NRG3: variants seen among roughly 807,000 people sequenced by gnomAD.
The protein encoded by NRG3 is neuregulin 3.
In NRG3, 31 loss-of-function variants were observed where a neutral mutation model predicts 66.9. That is an observed-to-expected ratio of 0.46 (90% CI 0.35 to 0.63). The LOEUF is 0.63. NRG3 is among the 20% of genes least tolerant of loss of function. NRG3 has a pLI of 0.00. For missense variants in NRG3, 910 were observed against 878.9 expected, an observed-to-expected ratio of 1.04 and a Z score of -0.45; for synonymous variants, 393 against 359.4, an observed-to-expected ratio of 1.09 and a Z score of -1.06.
chr10:81,944,513 A>C (rs1848669642), intron 1 of NRG3, among the ~76,000 whole-genome samples: 1 of 152,182 alleles, frequency 6.6e-6, no homozygotes, highest in South Asian at 2.1e-4. Context: ...TACATGGGGA[A>C]AATGTTGTTT....
At chr10:82,148,784 C>CT (rs532161268) in intron 1 of NRG3, among the ~76,000 whole-genome samples, 10 of 152,180 alleles carry the variant, frequency 6.6e-5, no homozygotes, top group Admixed American at 3.9e-4. Flanking sequence ...CCAAAGATGC[C>CT]TTTTTTTCTC....
At chr10:82,898,868 C>T (rs1180394275) in intron 4 of NRG3, among the ~76,000 whole-genome samples, 1 of 151,686 alleles carries the variant, frequency 6.6e-6, no homozygotes, top group Admixed American at 6.6e-5. Flanking sequence ...ACTGCAGGCA[C>T]CCCGGCTAAT....
chr10:82,268,315 C>A (rs1785826495), intron 1 of NRG3, among the ~76,000 whole-genome samples: 1 of 152,132 alleles, frequency 6.6e-6, no homozygotes, highest in African/African-American at 2.4e-5. Flanking sequence ...TTGCTCAAGT[C>A]ATTGCTTGTA....
At chr10:82,703,149 A>C (rs907221309) in intron 2 of NRG3, among the ~76,000 whole-genome samples, 4 of 152,036 alleles carry the variant, frequency 2.6e-5, no homozygotes, top group Non-Finnish European at 4.4e-5. Flanking sequence ...ACTGTATCAT[A>C]GAAGGGAACC....
chr10:82,298,038 A>AGAGG (rs1291624372), intron 1 of NRG3, among the ~76,000 whole-genome samples: 4 of 152,008 alleles, frequency 2.6e-5, no homozygotes, highest in African/African-American at 9.7e-5. Context: ...CAACTACTGG[A>AGAGG]GAGGCTGAGG....
intron 1 of NRG3, among the ~76,000 whole-genome samples, chr10:82,010,918 G>A (rs2061550104): frequency 6.6e-6 from 1 of 152,180 alleles, no homozygotes; most frequent in African/African-American, 2.4e-5. Flanking sequence ...TGACACATGA[G>A]ACGCTTCTTA....
chr10:82,319,512 C>G (rs558425101), intron 1 of NRG3, among the ~76,000 whole-genome samples: 30 of 152,282 alleles, frequency 2.0e-4, no homozygotes, highest in Non-Finnish European at 3.8e-4. Flanking sequence ...CATGGTGTTG[C>G]TTTTCTTCTA....
intron 1 of NRG3, among the ~76,000 whole-genome samples, chr10:82,214,978 C>A (rs998643197): frequency 2.6e-5 from 4 of 152,102 alleles, no homozygotes; most frequent in African/African-American, 9.7e-5. Flanking sequence ...ATTCCCCATT[C>A]CCCCAACATG....
At chr10:82,363,459 GT>G (rs1248155861) in intron 2 of NRG3, among the ~76,000 whole-genome samples, 1 of 152,084 alleles carries the variant, frequency 6.6e-6, no homozygotes, top group East Asian at 1.9e-4. Flanking sequence ...TTGTTTGTTT[GT>G]TTGTTTGTTT....
intron 2 of NRG3, among the ~76,000 whole-genome samples, chr10:82,701,982 G>A (rs778316711): frequency 2.0e-5 from 3 of 152,162 alleles, no homozygotes; most frequent in Non-Finnish European, 4.4e-5. Flanking sequence ...TTGAACCTGA[G>A]TCTTCTGATC....
At chr10:82,774,290 G>C (rs761455436) in intron 3 of NRG3, among the ~76,000 whole-genome samples, 3 of 152,128 alleles carry the variant, frequency 2.0e-5, no homozygotes, top group Non-Finnish European at 2.9e-5. Flanking sequence ...TTCTAGCCTT[G>C]TAAGATGTTT....
At chr10:81,941,223 G>A (rs1218981610) in intron 1 of NRG3, among the ~76,000 whole-genome samples, 2 of 152,096 alleles carry the variant, frequency 1.3e-5, no homozygotes, top group African/African-American at 4.8e-5. Flanking sequence ...AGAATATGAA[G>A]TAGGAAGATG....
chr10:82,732,554 T>C (rs1004342485), intron 2 of NRG3, among the ~76,000 whole-genome samples: 1 of 152,208 alleles, frequency 6.6e-6, no homozygotes, highest in Non-Finnish European at 1.5e-5. Context: ...TTTGGGGTAA[T>C]ATACTTAACC....
chr10:82,661,614 C>T (rs1048092463), intron 2 of NRG3, among the ~76,000 whole-genome samples: 13 of 151,880 alleles, frequency 8.6e-5, no homozygotes, highest in Admixed American at 5.2e-4. Flanking sequence ...TGTGTGTATG[C>T]GTGTGTGCGT....
At chr10:82,211,240 C>A (rs542193806) in intron 1 of NRG3, among the ~76,000 whole-genome samples, 2 of 152,098 alleles carry the variant, frequency 1.3e-5, no homozygotes, top group East Asian at 3.9e-4. Flanking sequence ...GAGGAAAAGT[C>A]GCTGACTGCC....
chr10:82,236,637 T>G (rs886267125), intron 1 of NRG3, among the ~76,000 whole-genome samples: 2 of 152,150 alleles, frequency 1.3e-5, no homozygotes, highest in African/African-American at 4.8e-5. Context: ...ACTATGATTT[T>G]ATTTTCCCTG....
At chr10:82,613,163 T>C (rs998939636) in intron 2 of NRG3, among the ~76,000 whole-genome samples, 1 of 152,180 alleles carries the variant, frequency 6.6e-6, no homozygotes, top group Admixed American at 6.5e-5. Context: ...CCAGTTAGTC[T>C]TGGGAGATGG....
intron 3 of NRG3, among the ~76,000 whole-genome samples, chr10:82,806,864 C>T (rs2061309974): frequency 6.6e-6 from 1 of 152,202 alleles, no homozygotes; most frequent in Non-Finnish European, 1.5e-5. Context: ...CAGATAGGCA[C>T]CATCTGCATG....
chr10:82,590,619 T>G (rs2046928524), intron 2 of NRG3, among the ~76,000 whole-genome samples: 1 of 152,162 alleles, frequency 6.6e-6, no homozygotes, highest in Non-Finnish European at 1.5e-5. Context: ...ATAAGATTTA[T>G]ATAGATGCTG....
Sources: gnomAD v4.1 joint callset for allele counts (sites outside exome capture counted in the v4.1 genomes callset) on GRCh38, gnomAD v4.1.1 for gene constraint, MANE v1.5 for transcripts, NCBI Gene and HGNC (gene_info 2026-07-23, HGNC 2026-07-21) for gene names.